RALYL: variants seen among roughly 807,000 people sequenced by gnomAD.
The protein encoded by RALYL is RNA-binding Raly-like protein.
A neutral mutation model predicts 35.1 loss-of-function variants in RALYL; 29 were observed. The observed-to-expected ratio is 0.83, with a 90% confidence interval of 0.61 to 1.13. The LOEUF is 1.13. Ranked by LOEUF, RALYL falls within the 50% of genes most tolerant of loss-of-function variation. The pLI, the probability that RALYL is intolerant of heterozygous loss-of-function variation, is 0.00. For missense variants in RALYL, 359 were observed against 360.4 expected, an observed-to-expected ratio of 1.00 and a Z score of 0.03; for synonymous variants, 120 against 127.6, an observed-to-expected ratio of 0.94 and a Z score of 0.40.
chr8:84,225,452 C>T (rs922227918), intron 1 of RALYL, among the ~76,000 whole-genome samples: 1 of 152,144 alleles, frequency 6.6e-6, no homozygotes, highest in Non-Finnish European at 1.5e-5. Flanking sequence ...GCTTACAAGG[C>T]CCTGGCTGAC....
intron 1 of RALYL, among the ~76,000 whole-genome samples, chr8:84,470,919 A>C (rs1213029258): frequency 6.6e-6 from 1 of 152,124 alleles, no homozygotes; most frequent in African/African-American, 2.4e-5. Context: ...ATAGGAGCTC[A>C]CCCTCCCTGA....
At chr8:84,681,778 T>C (rs986895582) in intron 2 of RALYL, among the ~76,000 whole-genome samples, 7 of 152,220 alleles carry the variant, frequency 4.6e-5, no homozygotes, top group African/African-American at 1.7e-4. Flanking sequence ...AATCATGTCA[T>C]CTGCAAACAG....
intron 8 of RALYL, chr8:84,907,017 C>T (rs537297492): frequency 1.2e-5 from 12 of 972,398 alleles, no homozygotes; most frequent in Admixed American, 1.2e-4. Context: ...CTTTGGAAAG[C>T]TGGTAAGAAT....
In RALYL at chr8:84,667,242, A is replaced by G. The variant is rs541968272; in HGVS notation, c.257-107337A>G. Among the ~76,000 whole-genome samples the G allele has an allele frequency of 6.6e-5, 10 of 151,808 alleles. No individual in the cohort carries two copies. In the East Asian group the frequency reaches 1.6e-3, roughly 24 times the overall value. On this transcript the variant is annotated intron_variant, in intron 2 of 8. Coordinates refer to ENST00000521268, the MANE Select transcript of RALYL (RefSeq NM_173848.7). ...GTTAGCTAAATCTAGAGACTTGTTC[A>G]TATTCAGGTTCGAGTATGGGCTGGA...
chr8:84,581,611 T>C (rs1810855681), intron 2 of RALYL, among the ~76,000 whole-genome samples: 1 of 152,240 alleles, frequency 6.6e-6, no homozygotes, highest in East Asian at 1.9e-4. Context: ...TCTTTGTTCA[T>C]GTTTCATCTC....
chr8:84,337,009 C>T (rs73293102), intron 1 of RALYL, among the ~76,000 whole-genome samples: 7,360 of 149,970 alleles, frequency 0.049, 265 homozygotes, highest in African/African-American at 0.083. Context: ...TTTGGAATAA[C>T]CTGTCTGTGT....
intron 2 of RALYL, among the ~76,000 whole-genome samples, chr8:84,735,831 AG>A (rs1847194250): frequency 2.6e-5 from 4 of 151,668 alleles, no homozygotes; most frequent in African/African-American, 9.7e-5. Context: ...AGAGAGAGAG[AG>A]AGAGAGAGAG....
chr8:84,775,606 C>G (rs1816654112), intron 3 of RALYL, among the ~76,000 whole-genome samples: 2 of 152,160 alleles, frequency 1.3e-5, no homozygotes, highest in Non-Finnish European at 2.9e-5. Flanking sequence ...GTGCTTGGGT[C>G]TGAGTCACTT....
intron 1 of RALYL, among the ~76,000 whole-genome samples, chr8:84,407,030 ATATATACACACACACACT>A (rs2043590519): frequency 6.7e-6 from 1 of 149,584 alleles, no homozygotes; most frequent in African/African-American, 2.5e-5. Context: ...ATATATATAT[ATATATACACACACACACT>A]CACACACACA....
At chr8:84,746,547 G>C (rs777223390) in intron 2 of RALYL, among the ~76,000 whole-genome samples, 2 of 151,936 alleles carry the variant, frequency 1.3e-5, no homozygotes, top group East Asian at 1.9e-4. Flanking sequence ...GAGAAGTCCT[G>C]TGACCTTTCT....
chr8:84,444,206 A>G (rs147230932), intron 1 of RALYL, among the ~76,000 whole-genome samples: 22 of 152,148 alleles, frequency 1.4e-4, no homozygotes, highest in East Asian at 1.2e-3. Context: ...GTGCGTGTCT[A>G]TAGTCCTAGA....
chr8:84,483,647 A>G (rs2054285671), intron 1 of RALYL, among the ~76,000 whole-genome samples: 1 of 152,152 alleles, frequency 6.6e-6, no homozygotes, highest in Non-Finnish European at 1.5e-5. Flanking sequence ...AAATGTAATA[A>G]TTGATGAAAA....
chr8:84,330,617 T>C (rs1286681568), intron 1 of RALYL, among the ~76,000 whole-genome samples: 3 of 152,074 alleles, frequency 2.0e-5, no homozygotes, highest in African/African-American at 7.2e-5. Context: ...CATCACAGCA[T>C]ACTTTGGGTT....
In RALYL at chr8:84,800,097, T is replaced by TGTAA. The variant is rs1230656956; in HGVS notation, c.333-4670_333-4667dup. On this transcript the variant is annotated intron_variant, in intron 3 of 8. Transcript: ENST00000521268. Reference sequence around the variant, plus strand: ...ATCATAAATAGAATGATGCCAGAGATGTAAGTTTTGGAATTTCCAACATCT... The same window carrying TGTAA: ...ATCATAAATAGAATGATGCCAGAGATGTAAGTAAGTTTTGGAATTTCCAACATCT... 2.0e-4 allele frequency among the ~76,000 whole-genome samples: 30 copies of TGTAA among 152,300 alleles called. No individual in the cohort carries two copies. In the South Asian group the frequency reaches 3.3e-3, roughly 17 times the overall value.
At chr8:84,314,335 A>G (rs905324474) in intron 1 of RALYL, among the ~76,000 whole-genome samples, 4 of 152,114 alleles carry the variant, frequency 2.6e-5, no homozygotes, top group Non-Finnish European at 5.9e-5. Context: ...TAAATTTTAC[A>G]TTATATATAA....
chr8:84,854,657 C>A (rs1836605439), intron 5 of RALYL, among the ~76,000 whole-genome samples: 1 of 152,156 alleles, frequency 6.6e-6, no homozygotes, highest in Non-Finnish European at 1.5e-5. Flanking sequence ...TATAACAGGG[C>A]TAATTGCATA....
intron 1 of RALYL, among the ~76,000 whole-genome samples, chr8:84,347,633 C>T (rs1475900269): frequency 6.6e-6 from 1 of 152,064 alleles, no homozygotes; most frequent in African/African-American, 2.4e-5. Context: ...CACCTTGGTT[C>T]TAATCCAGGG....
intron 1 of RALYL, among the ~76,000 whole-genome samples, chr8:84,328,701 G>T (rs1793820816): frequency 6.6e-6 from 1 of 152,132 alleles, no homozygotes; most frequent in Non-Finnish European, 1.5e-5. Flanking sequence ...GGATACAAAA[G>T]ATCCTGTCAC....
At chr8:84,369,065 A>G (rs543497293) in intron 1 of RALYL, among the ~76,000 whole-genome samples, 1 of 152,254 alleles carries the variant, frequency 6.6e-6, no homozygotes, top group East Asian at 1.9e-4. Flanking sequence ...CTATGAATAC[A>G]TGATTTGTCT....
Sources: allele counts gnomAD v4.1 joint callset (sites outside exome capture counted in the v4.1 genomes callset), GRCh38; gene constraint gnomAD v4.1.1; transcripts MANE v1.5; gene names NCBI Gene and HGNC (gene_info 2026-07-23, HGNC 2026-07-21).